The following ISCA1 variants were observed in gnomAD, a reference collection of about 807,000 sequenced individuals.
ISCA1 encodes the protein iron-sulfur cluster assembly 1 homolog, mitochondrial.
ISCA1 carries 9 observed loss-of-function variants against 14.7 expected under a neutral mutation model. The ratio of observed to expected loss-of-function variants is 0.61; its 90% CI spans 0.37 to 1.07. The LOEUF is 1.07. ISCA1 is among the 50% of genes least tolerant of loss of function. The pLI is 0.01. For synonymous variants in ISCA1, 38 were observed against 54.3 expected (o/e 0.70, Z 1.32); for missense variants, 102 against 150.1 (o/e 0.68, Z 1.67).
At chr9:86,269,085 C>G (rs1007693280) in intron 3 of ISCA1, among the ~76,000 whole-genome samples, 1 of 152,126 alleles carries the variant, frequency 6.6e-6, no homozygotes, top group African/African-American at 2.4e-5. Context: ...TGAGCCACCA[C>G]GCCTGGCCAG....
chr9:86,281,764 C>G (rs1400677614), intron 1 of ISCA1, among the ~76,000 whole-genome samples: 6 of 152,222 alleles, frequency 3.9e-5, no homozygotes, highest in Non-Finnish European at 5.9e-5. Context: ...ATCTTTTGTC[C>G]TAAGAGCCTA....
chr9:86,265,638 C>T lies in ISCA1; in HGVS notation c.*405G>A. Reference sequence around the variant, plus strand: ...AGTTTGGGTGGAAAAAACAATGCACCACCATATTACTACCAGCAGTCACGA... The same window carrying T: ...AGTTTGGGTGGAAAAAACAATGCACTACCATATTACTACCAGCAGTCACGA... On this transcript the variant is annotated 3_prime_UTR_variant, in exon 4 of 4. Coordinates refer to ENST00000375991, the MANE Select transcript of ISCA1 (RefSeq NM_030940.4). 1 of 217,600 alleles carries T rather than the reference C, an allele frequency of 4.6e-6. No individual in the cohort carries two copies. The highest frequency in any genetic ancestry group is 9.3e-6 in the Non-Finnish European group (1 of 107,100). The allele number at this position is 217,600 out of a possible 1,614,324, so 13.5% of individuals were successfully genotyped here. A position where few individuals can be genotyped will look rare whatever the true frequency, so the allele number is the denominator to read the frequency against.
chr9:86,270,947 CGGGGGGA>C (rs1480390579), intron 3 of ISCA1, among the ~76,000 whole-genome samples: 1 of 85,412 alleles, frequency 1.2e-5, no homozygotes, highest in Non-Finnish European at 2.1e-5. Context: ...TGTTGTGGGG[CGGGGGGA>C]GGGGGGAGGG....
chr9:86,270,753 C>T (rs1042204945), intron 3 of ISCA1, among the ~76,000 whole-genome samples: 1 of 150,102 alleles, frequency 6.7e-6, no homozygotes, highest in Admixed American at 6.6e-5. Context: ...CCATGGAATA[C>T]TATGCAGCCA....
In ISCA1 at chr9:86,274,260, T is replaced by A. The variant is rs370562754; in HGVS notation, c.82-18A>T. Reference sequence around the variant, plus strand: ...GAAGGTGTCTGAAAAAAGAAAATGATGTTTTTAGCTACAAAACTTGTTATT... The same window carrying A: ...GAAGGTGTCTGAAAAAAGAAAATGAAGTTTTTAGCTACAAAACTTGTTATT... On this transcript the variant is annotated intron_variant, in intron 1 of 3. Transcript: ENST00000375991. 50 of 1,525,830 alleles carry A rather than the reference T, an allele frequency of 3.3e-5. No individual in the cohort carries two copies. The African/African-American group carries it at 4.8e-4, about 15-fold the overall frequency. The allele number at this position is 1,525,830 out of a possible 1,614,324, so 94.5% of individuals were successfully genotyped here.
In ISCA1 at chr9:86,265,444, A is replaced by T. The variant is rs1466474505; in HGVS notation, c.*599T>A. The T allele has an allele frequency of 6.5e-6, 1 of 154,098 alleles. No homozygotes were observed. Among genetic ancestry groups the T allele is most frequent in the Non-Finnish European group, 1.4e-5 (1 of 69,282 alleles). The allele number at this position is 154,098 out of a possible 1,614,324, so 9.5% of individuals were successfully genotyped here. A position where few individuals can be genotyped will look rare whatever the true frequency, so the allele number is the denominator to read the frequency against. On this transcript the variant is annotated 3_prime_UTR_variant, in exon 4 of 4. Coordinates refer to ENST00000375991, the MANE Select transcript of ISCA1 (RefSeq NM_030940.4). The stretch of plus-strand genomic sequence containing the variant: ...GAACAGACATATAGGGTGGCAAAAG[A>T]AATGGATTAAAAAAAGGCGGATGAC...
At chr9:86,269,278 C>T in intron 3 of ISCA1, among the ~76,000 whole-genome samples, 1 of 152,330 alleles carries the variant, frequency 6.6e-6, no homozygotes, top group South Asian at 2.1e-4. Context: ...AAATCACAAG[C>T]ATTCTTATAC....
In ISCA1 at chr9:86,265,098, A is replaced by G. The variant is rs1466634881; in HGVS notation, c.*945T>C. The G allele has an allele frequency of 6.6e-6, 1 of 152,244 alleles. No homozygotes were observed. The highest frequency in any genetic ancestry group is 1.5e-5 in the Non-Finnish European group (1 of 68,044). The allele number at this position is 152,244 out of a possible 1,614,324, so 9.4% of individuals were successfully genotyped here. A position where few individuals can be genotyped will look rare whatever the true frequency, so the allele number is the denominator to read the frequency against. ...GTAATTGACATAAAAAGGTTTTAAA[A>G]TTCTTCCCACTCAAAATAAAATAAA... On this transcript the variant is annotated 3_prime_UTR_variant, in exon 4 of 4. Coordinates refer to ENST00000375991, the MANE Select transcript of ISCA1 (RefSeq NM_030940.4).
chr9:86,282,339 G>A lies in ISCA1; in HGVS notation c.81+39C>T, dbSNP rs1006154992. 5.9e-6 allele frequency: 9 copies of A among 1,531,838 alleles called. No homozygotes were observed. In the East Asian group the frequency reaches 9.9e-5, roughly 17 times the overall value. 94.9% of individuals were successfully genotyped at this position (1,531,838 alleles called of 1,614,324 possible). Reference sequence around the variant, plus strand: ...CTCCCCTTGCACGGGGCGGACACGAGCAATGTCACGGGCCCCGCCGCGCGC... The same window carrying A: ...CTCCCCTTGCACGGGGCGGACACGAACAATGTCACGGGCCCCGCCGCGCGC... On this transcript the variant is annotated intron_variant, in intron 1 of 3. Transcript: ENST00000375991.
chr9:86,274,765 C>G (rs1190474388), intron 1 of ISCA1, among the ~76,000 whole-genome samples: 1 of 152,060 alleles, frequency 6.6e-6, no homozygotes, highest in Non-Finnish European at 1.5e-5. Context: ...TAAAATAACC[C>G]AGGGTGTGCT....
intron 3 of ISCA1, among the ~76,000 whole-genome samples, chr9:86,268,384 G>A (rs1048508826): frequency 1.8e-4 from 25 of 142,580 alleles, no homozygotes; most frequent in Non-Finnish European, 3.2e-4. Flanking sequence ...GAATAAGAAC[G>A]TAAAAAATTT....
intron 2 of ISCA1, among the ~76,000 whole-genome samples, chr9:86,272,839 T>C (rs1023047435): frequency 2.0e-5 from 3 of 152,234 alleles, no homozygotes; most frequent in Non-Finnish European, 4.4e-5. Context: ...AACAATGTAA[T>C]GCTACATAAA....
In ISCA1 at chr9:86,265,535, C is replaced by T; in HGVS notation, c.*508G>A. On this transcript the variant is annotated 3_prime_UTR_variant, in exon 4 of 4. Coordinates refer to ENST00000375991, the MANE Select transcript of ISCA1 (RefSeq NM_030940.4). ...GTACTATAGTTGAAGAAAATCTTTG[C>T]CTGGTACTATTAAAGAGTATGCAGT... 5.7e-6 allele frequency: 1 copy of T among 176,166 alleles called. No individual in the cohort carries two copies. The highest frequency in any genetic ancestry group is 1.2e-4 in the South Asian group (1 of 8,244). The allele number at this position is 176,166 out of a possible 1,614,324, so 10.9% of individuals were successfully genotyped here.
At chr9:86,267,616 A>G (rs1249164936) in intron 3 of ISCA1, 43 of 878,470 alleles carry the variant, frequency 4.9e-5, no homozygotes, top group Non-Finnish European at 5.9e-5. Context: ...AGCTTTGAAT[A>G]AAAATTGGAA....
At chr9:86,270,579 C>A (rs1007552730) in intron 3 of ISCA1, among the ~76,000 whole-genome samples, 2 of 151,764 alleles carry the variant, frequency 1.3e-5, no homozygotes, top group African/African-American at 4.8e-5. Flanking sequence ...TTGACCCAGC[C>A]ATCCCATTAC....
At chr9:86,282,266 G>C (rs946227724) in intron 1 of ISCA1, 112 bp downstream of exon 1, 1 of 1,198,914 alleles carries the variant, frequency 8.3e-7, no homozygotes, top group East Asian at 2.6e-5. Flanking sequence ...GCGACGCCGA[G>C]GTCTGACGTG....
chr9:86,277,196 C>A (rs910921421), intron 1 of ISCA1, among the ~76,000 whole-genome samples: 6 of 152,158 alleles, frequency 3.9e-5, no homozygotes, highest in Admixed American at 3.9e-4. Flanking sequence ...CTACTTATCA[C>A]CAAGTTGCTG....
In ISCA1 at chr9:86,276,652, C is replaced by T. The variant is rs576447353; in HGVS notation, c.82-2410G>A. Among the ~76,000 whole-genome samples, 4 of 152,162 alleles carry T rather than the reference C, an allele frequency of 2.6e-5. No homozygotes were observed. In the East Asian group the frequency reaches 5.8e-4, roughly 22 times the overall value. On this transcript the variant is annotated intron_variant, in intron 1 of 3. Transcript: ENST00000375991. ...GAGGTCAGCCAAGGTGGAAGGATCA[C>T]TTGAAGTCAGGAGTTTGAGACCAGC... is the stretch of plus-strand genomic sequence containing the variant.
intron 1 of ISCA1, among the ~76,000 whole-genome samples, chr9:86,274,558 T>A (rs1825418216): frequency 6.6e-6 from 1 of 152,208 alleles, no homozygotes; most frequent in Non-Finnish European, 1.5e-5. Flanking sequence ...ATCTATTTTG[T>A]GCACCAACTC....
Sources: gnomAD v4.1 joint callset for allele counts (sites outside exome capture counted in the v4.1 genomes callset) on GRCh38, gnomAD v4.1.1 for gene constraint, MANE v1.5 for transcripts, NCBI Gene and HGNC (gene_info 2026-07-23, HGNC 2026-07-21) for gene names.